The following CLEC16A variants were observed in gnomAD, a reference collection of about 807,000 sequenced individuals.
CLEC16A encodes the protein protein CLEC16A.
A neutral mutation model predicts 109.5 loss-of-function variants in CLEC16A; 51 were observed. The observed-to-expected ratio is 0.47, with a 90% CI of 0.37 to 0.59. The LOEUF (loss-of-function observed/expected upper bound fraction) is 0.59, where lower values mean the gene tolerates loss of function less well. Among genes scored for constraint, CLEC16A ranks in the 20% least tolerant of loss-of-function variants. The probability of loss-of-function intolerance (pLI) is 0.00; values close to 1 mark genes in which losing one functional copy is unlikely to be tolerated. For synonymous variants in CLEC16A, 673 were observed against 564.2 expected, an observed-to-expected ratio of 1.19 and a Z score of -2.73; for missense variants, 1,339 against 1,394.0, an observed-to-expected ratio of 0.96 and a Z score of 0.63.
chr16:10,957,031 A>G (rs1358734495), intron 1 of CLEC16A, among the ~76,000 whole-genome samples: 2 of 152,180 alleles, frequency 1.3e-5, no homozygotes, highest in Non-Finnish European at 2.9e-5. Context: ...TCCTGACCTC[A>G]GGTGATCCAC....
At chr16:11,144,600 G>A (rs1034360777) in intron 22 of CLEC16A, among the ~76,000 whole-genome samples, 2 of 152,214 alleles carry the variant, frequency 1.3e-5, no homozygotes, top group African/African-American at 4.8e-5. Context: ...CCAGCTTGAG[G>A]CCCACGCCTG....
At chr16:11,162,436 C>A (rs541130577) in intron 22 of CLEC16A, among the ~76,000 whole-genome samples, 1 of 151,908 alleles carries the variant, frequency 6.6e-6, no homozygotes, top group African/African-American at 2.4e-5. Flanking sequence ...CCTTTTTTTT[C>A]TCTTTTTGGT....
chr16:10,997,334 C>G (rs1269362310), intron 10 of CLEC16A, among the ~76,000 whole-genome samples: 22 of 152,178 alleles, frequency 1.4e-4, no homozygotes, highest in African/African-American at 5.1e-4. Flanking sequence ...CTTAGATGTA[C>G]TGCTTGATGA....
chr16:11,083,570 G>C (rs184567320), intron 19 of CLEC16A, among the ~76,000 whole-genome samples: 2 of 152,160 alleles, frequency 1.3e-5, no homozygotes, highest in African/African-American at 2.4e-5. Context: ...CAGAGCCCTC[G>C]GTCTCCTCCG....
At position 11,024,845 on chromosome 16, in the gene CLEC16A, C is replaced by A. The variant is rs200966040; in HGVS notation, c.1461C>A (p.His487Gln). The change falls in exon 13 of 24, where the codon CAC (histidine) becomes CAA (glutamine). Residue 487 changes from histidine to glutamine, a missense_variant. Around this residue, in one of 3 missense-constraint regions of CLEC16A, gnomAD observed 1,061 missense variants for 1,006.8 expected, o/e 1.05. Coordinates refer to ENST00000409790, the MANE Select transcript of CLEC16A (RefSeq NM_015226.3). ...GACCCTTCCTGGATATGGTGTACCA[C>A]GCGCTGGACAGCCCGGATGATGATT... ...WSRPFLDMVY[H>Q]ALDSPDDDYH... 2 of 1,606,104 alleles carry A rather than the reference C, an allele frequency of 1.2e-6. No homozygotes were observed. The highest frequency in any genetic ancestry group is 1.7e-6 in the Non-Finnish European group (2 of 1,176,312).
chr16:11,177,974 T>G (rs2068824712), intron 23 of CLEC16A, among the ~76,000 whole-genome samples: 1 of 152,184 alleles, frequency 6.6e-6, no homozygotes, highest in Non-Finnish European at 1.5e-5. Context: ...AAACAAGTAT[T>G]TATCATCAGG....
At chr16:11,152,760 G>A (rs944322155) in intron 22 of CLEC16A, among the ~76,000 whole-genome samples, 3 of 152,168 alleles carry the variant, frequency 2.0e-5, no homozygotes, top group Admixed American at 6.6e-5. Flanking sequence ...CCACAATCTC[G>A]CCAGTCAGGT....
chr16:11,116,016 A>T (rs1469467550), intron 19 of CLEC16A, among the ~76,000 whole-genome samples: 1 of 152,074 alleles, frequency 6.6e-6, no homozygotes, highest in Non-Finnish European at 1.5e-5. Flanking sequence ...CAGCCCTAAA[A>T]TATGTTTTTT....
chr16:11,120,203 C>T (rs6498165), intron 19 of CLEC16A, among the ~76,000 whole-genome samples: 106,857 of 152,190 alleles, frequency 0.7, 38,904 homozygotes, highest in African/African-American at 0.89. Flanking sequence ...ACTCTTCACC[C>T]CAGGTGATCC....
chr16:11,037,633 C>T (rs958259626), intron 13 of CLEC16A, among the ~76,000 whole-genome samples: 3 of 152,214 alleles, frequency 2.0e-5, no homozygotes, highest in African/African-American at 7.2e-5. Flanking sequence ...TAGTTTGCCT[C>T]TTTCCATGGT....
chr16:11,060,854 A>G, intron 18 of CLEC16A, 48 bp from the exon 19 acceptor site: 1 of 1,517,488 alleles, frequency 6.6e-7, no homozygotes, highest in Non-Finnish European at 8.9e-7. Context: ...TCTCACTGAA[A>G]TGACTCTGCA....
intron 18 of CLEC16A, among the ~76,000 whole-genome samples, chr16:11,051,982 A>G (rs1351715643): frequency 6.6e-6 from 1 of 152,218 alleles, no homozygotes; most frequent in African/African-American, 2.4e-5. Context: ...CATCCAGTGC[A>G]GGTGAGGTTG....
chr16:11,043,139 C>G (rs2152858045), intron 15 of CLEC16A, among the ~76,000 whole-genome samples: 1 of 151,990 alleles, frequency 6.6e-6, no homozygotes, highest in Admixed American at 6.5e-5. Context: ...TGTAGTTGGG[C>G]CAAGTGCAGT....
chr16:11,012,959 G>T (rs921662878), intron 11 of CLEC16A, among the ~76,000 whole-genome samples: 1 of 152,086 alleles, frequency 6.6e-6, no homozygotes, highest in Non-Finnish European at 1.5e-5. Flanking sequence ...ACTTCAGGAC[G>T]CCAGGTGGGA....
chr16:11,003,437 A>C, intron 11 of CLEC16A, 132 bp downstream of exon 11: 18 of 688,124 alleles, frequency 2.6e-5, no homozygotes, highest in Non-Finnish European at 3.2e-5. Context: ...TTCCTACCTC[A>C]CACTGGCGTA....
At chr16:11,098,963 G>A (rs116237926) in intron 19 of CLEC16A, among the ~76,000 whole-genome samples, 129 of 152,334 alleles carry the variant, frequency 8.5e-4, no homozygotes, top group African/African-American at 2.9e-3. Context: ...AGTGAGACCT[G>A]TGGCACCCCA....
chr16:11,131,704 C>G (rs1195734520), intron 22 of CLEC16A, among the ~76,000 whole-genome samples: 1 of 152,196 alleles, frequency 6.6e-6, no homozygotes, highest in Admixed American at 6.5e-5. Flanking sequence ...ACTTCTCTGC[C>G]TCTTCTGCTG....
chr16:11,171,528 C>T (rs1004213051), intron 23 of CLEC16A, among the ~76,000 whole-genome samples: 5 of 152,348 alleles, frequency 3.3e-5, no homozygotes, highest in East Asian at 1.9e-4. Flanking sequence ...GGCATCTTGT[C>T]GCCCACACAT....
chr16:11,056,276 G>A (rs543762584), intron 18 of CLEC16A, among the ~76,000 whole-genome samples: 2 of 152,188 alleles, frequency 1.3e-5, no homozygotes, highest in African/African-American at 2.4e-5. Flanking sequence ...GGAACCTCAG[G>A]TCCCTCGTGG....
Sources: allele counts gnomAD v4.1 joint callset (sites outside exome capture counted in the v4.1 genomes callset), GRCh38; gene constraint gnomAD v4.1.1; regional missense constraint gnomAD v4.1.1; transcripts MANE v1.5; gene names NCBI Gene and HGNC (gene_info 2026-07-23, HGNC 2026-07-21).